LRIG3: variants seen among roughly 807,000 people sequenced by gnomAD.
The protein encoded by LRIG3 is leucine-rich repeats and immunoglobulin-like domains protein 3.
Under a neutral mutation model 114.5 loss-of-function variants are expected in LRIG3, and 76 were observed. The ratio of observed to expected loss-of-function variants is 0.66; its 90% CI spans 0.55 to 0.80. The LOEUF (loss-of-function observed/expected upper bound fraction) is 0.80, where lower values mean the gene tolerates loss of function less well. Ranked by LOEUF, LRIG3 falls within the 30% of genes least tolerant of loss-of-function variation. The probability of loss-of-function intolerance (pLI) is 0.00; values close to 1 mark genes in which losing one functional copy is unlikely to be tolerated. For missense variants in LRIG3, 1,239 were observed against 1,382.8 expected, an observed-to-expected ratio of 0.90 and a Z score of 1.65; for synonymous variants, 512 against 519.8, an observed-to-expected ratio of 0.98 and a Z score of 0.20.
At chr12:58,885,595 T>C (rs865795497) in intron 10 of LRIG3, among the ~76,000 whole-genome samples, 4 of 152,106 alleles carry the variant, frequency 2.6e-5, no homozygotes, top group African/African-American at 9.7e-5. Flanking sequence ...TAAGGAGATA[T>C]AGCTTTTGTT....
At chr12:58,906,893 C>T (rs1026696409) in intron 3 of LRIG3, among the ~76,000 whole-genome samples, 3 of 151,112 alleles carry the variant, frequency 2.0e-5, no homozygotes, top group Non-Finnish European at 4.4e-5. Context: ...TTAGTACTAT[C>T]AAACACAAGG....
intron 13 of LRIG3, among the ~76,000 whole-genome samples, chr12:58,880,057 G>A (rs1176281805): frequency 6.6e-6 from 1 of 152,160 alleles, no homozygotes; most frequent in Non-Finnish European, 1.5e-5. Flanking sequence ...AGCACTTTGT[G>A]AGGCCAAGGT....
At chr12:58,898,003 G>C (rs1016954002) in intron 3 of LRIG3, among the ~76,000 whole-genome samples, 1 of 152,148 alleles carries the variant, frequency 6.6e-6, no homozygotes, top group Non-Finnish European at 1.5e-5. Context: ...AGACCCCAGA[G>C]TGAACAAACT....
At position 58,919,468 on chromosome 12, in the gene LRIG3, A is replaced by G; in HGVS notation, c.236+532T>C. ...AAAGCAAGCAGAGGGAGAACAACAG[A>G]AGTACGTCCACCATAACTTGGAGAA... On this transcript the variant is annotated intron_variant, in intron 1 of 18. Transcript: ENST00000320743. 4 of 1,551,642 alleles carry G rather than the reference A, an allele frequency of 2.6e-6. No individual in the cohort carries two copies. The South Asian group carries it at 3.6e-5, about 14-fold the overall frequency.
intron 3 of LRIG3, among the ~76,000 whole-genome samples, chr12:58,891,962 G>C (rs1221894361): frequency 6.6e-6 from 1 of 151,806 alleles, no homozygotes; most frequent in African/African-American, 2.4e-5. Flanking sequence ...AAATGGTACA[G>C]CACACATACA....
rs767613875 is a variant in LRIG3, at chr12:58,878,890, C to T, written c.2017G>A (p.Val673Ile). Residue 673 changes from valine to isoleucine, a missense_variant, in exon 14 of 19, where the codon GTA (valine) becomes ATA (isoleucine). By Grantham distance (29) the Val-to-Ile change is conservative. Transcript: ENST00000320743. Reference sequence around the variant, plus strand: ...CTGTTCTGAGCTGTGCAGCTGTATACCCCAATGTCCTCTATCTTCACATCC... The same window carrying T: ...CTGTTCTGAGCTGTGCAGCTGTATATCCCAATGTCCTCTATCTTCACATCC... ...IVDVKIEDIG[V>I]YSCTAQNSAG... 3.1e-6 allele frequency: 5 copies of T among 1,614,218 alleles called. No individual in the cohort carries two copies. The highest frequency in any genetic ancestry group is 4.2e-6 in the Non-Finnish European group (5 of 1,180,046).
intron 3 of LRIG3, among the ~76,000 whole-genome samples, chr12:58,903,053 C>T (rs554644294): frequency 1.3e-5 from 2 of 152,214 alleles, no homozygotes; most frequent in Non-Finnish European, 2.9e-5. Flanking sequence ...GTCTTTATAG[C>T]AGCATGATTT....
At chr12:58,907,801 C>T (rs1022217392) in intron 3 of LRIG3, among the ~76,000 whole-genome samples, 7 of 152,106 alleles carry the variant, frequency 4.6e-5, no homozygotes, top group Admixed American at 3.9e-4. Context: ...CACAAGGGCC[C>T]GTGATTTCTC....
At chr12:58,912,271 A>T (rs11610489) in intron 3 of LRIG3, among the ~76,000 whole-genome samples, 2,389 of 152,162 alleles carry the variant, frequency 0.016, 27 homozygotes, top group South Asian at 0.024. Flanking sequence ...CCGAGGCGGG[A>T]GGATTACGAG....
At chr12:58,894,360 T>C (rs1013766442) in intron 3 of LRIG3, among the ~76,000 whole-genome samples, 1 of 152,174 alleles carries the variant, frequency 6.6e-6, no homozygotes, top group Non-Finnish European at 1.5e-5. Flanking sequence ...CAAATACTCG[T>C]TTCTTATTAG....
chr12:58,893,104 G>C lies in LRIG3; in HGVS notation c.384-2308C>G, dbSNP rs199503469. Among the ~76,000 whole-genome samples, 45 of 152,276 alleles carry C rather than the reference G, an allele frequency of 3.0e-4. No individual in the cohort carries two copies. In the East Asian group the frequency reaches 5.6e-3, roughly 19 times the overall value. On this transcript the variant is annotated intron_variant, in intron 3 of 18. Transcript: ENST00000320743. ...ACTTTGCAGGTGAGAGGAGGCCCCA[G>C]GGCTTGTGTGTATTTACCATCTACC...
chr12:58,884,351 G>C (rs1476652166), intron 10 of LRIG3, among the ~76,000 whole-genome samples: 3 of 152,134 alleles, frequency 2.0e-5, no homozygotes, highest in African/African-American at 7.2e-5. Flanking sequence ...TTTCTTTACA[G>C]GGGTCACAGT....
chr12:58,880,294 C>T lies in LRIG3; in HGVS notation c.1801+287G>A, dbSNP rs574984180. 81 of 458,404 alleles carry T rather than the reference C, an allele frequency of 1.8e-4. 1 individual carries two copies. The East Asian group carries it at 3.3e-3, about 19-fold the overall frequency. The allele number at this position is 458,404 out of a possible 1,614,324, so 28.4% of individuals were successfully genotyped here. On this transcript the variant is annotated intron_variant, in intron 13 of 18. Coordinates refer to ENST00000320743, the MANE Select transcript of LRIG3 (RefSeq NM_153377.5). ...AGCCTTGGGTGACAGTGCAAGATTCCGTCTCAAAAAAAAAAAAAAGAAAAA... is the reference window on the plus strand; with the variant it reads ...AGCCTTGGGTGACAGTGCAAGATTCTGTCTCAAAAAAAAAAAAAAGAAAAA...
chr12:58,872,807 C>G lies in LRIG3; in HGVS notation c.3125G>C (p.Gly1042Ala). 6.2e-7 allele frequency: 1 copy of G among 1,610,918 alleles called. No homozygotes were observed. Residue 1042 changes from glycine (G) to alanine (A), a missense_variant, in exon 19 of 19, where the codon GGA becomes GCA. By Grantham distance (60) the Gly-to-Ala change is moderately conservative. Transcript: ENST00000320743. ...ASSNSFMGTF[G>A]KALRRPHLDA... ...TAGGTGAGGTCTCCTGAGAGCTTTT[C>G]CAAAGGTACCTGAAAGAAAGAAACA...
At chr12:58,912,017 C>T (rs535091698) in intron 3 of LRIG3, among the ~76,000 whole-genome samples, 153 of 152,128 alleles carry the variant, frequency 1.0e-3, no homozygotes, top group Non-Finnish European at 1.9e-3. Flanking sequence ...CAATCACTGG[C>T]CAGAGGTATT....
intron 3 of LRIG3, among the ~76,000 whole-genome samples, chr12:58,892,927 C>T (rs986103269): frequency 1.3e-5 from 2 of 152,136 alleles, no homozygotes; most frequent in Admixed American, 1.3e-4. Flanking sequence ...AGATATGTAC[C>T]TCCCTTGAAA....
Position 58,879,048 on chromosome 12 carries a change from G to A in LRIG3, c.1859C>T (p.Ala620Val). 4 of 1,614,168 alleles carry A rather than the reference G, an allele frequency of 2.5e-6. No individual in the cohort carries two copies. The highest frequency in any genetic ancestry group is 3.4e-6 in the Non-Finnish European group (4 of 1,180,016). ...MDLTIRAGAM[A>V]RLECAAVGHP... ...CCCCACAGCAGCACACTCCAAGCGT[G>A]CCATGGCCCCAGCTCGGATGGTGAG... The change falls in exon 14 of 19, where the codon GCA (alanine) becomes GTA (valine). Residue 620 changes from alanine (A) to valine (V), a missense_variant. Transcript: ENST00000320743.
intron 12 of LRIG3, among the ~76,000 whole-genome samples, chr12:58,881,449 A>C (rs1871126051): frequency 6.6e-6 from 1 of 151,540 alleles, no homozygotes; most frequent in East Asian, 1.9e-4. Flanking sequence ...AGCTGATAGC[A>C]AAAGAAAAAG....
At chr12:58,905,750 G>T (rs1459713387) in intron 3 of LRIG3, among the ~76,000 whole-genome samples, 1 of 152,152 alleles carries the variant, frequency 6.6e-6, no homozygotes, top group Non-Finnish European at 1.5e-5. Context: ...GAGCTATCGT[G>T]TTCAGGCCCC....
Sources: gnomAD v4.1 joint callset for allele counts (sites outside exome capture counted in the v4.1 genomes callset) on GRCh38, gnomAD v4.1.1 for gene constraint, MANE v1.5 for transcripts, NCBI Gene and HGNC (gene_info 2026-07-23, HGNC 2026-07-21) for gene names.